The following FRK variants were observed in gnomAD, a reference collection of about 807,000 sequenced individuals.
The protein encoded by FRK is tyrosine-protein kinase FRK.
A neutral mutation model predicts 56.4 loss-of-function variants in FRK; 51 were observed. That is an observed-to-expected ratio of 0.90 (90% confidence interval 0.72 to 1.14). FRK has a LOEUF of 1.14. Among genes scored for constraint, FRK ranks in the 50% most tolerant of loss-of-function variants. The pLI is 0.00. For synonymous variants in FRK, 245 were observed against 217.9 expected, an observed-to-expected ratio of 1.12 and a Z score of -1.10; for missense variants, 570 against 601.4, an observed-to-expected ratio of 0.95 and a Z score of 0.55.
At chr6:116,075,221 A>C in the FRK span, among the ~76,000 whole-genome samples, 1 of 152,080 alleles carries the variant, frequency 6.6e-6, no homozygotes, top group Non-Finnish European at 1.5e-5. Context: ...TGGCTTCTCT[A>C]TAATTACTTT....
intron 1 of FRK, among the ~76,000 whole-genome samples, chr6:116,037,675 C>T (rs1293719786): frequency 6.6e-6 from 1 of 152,188 alleles, no homozygotes. Context: ...TCTCACTTTA[C>T]TTGTTTTCCT....
At chr6:116,022,001 G>C (rs1775888599) in intron 1 of FRK, among the ~76,000 whole-genome samples, 1 of 151,258 alleles carries the variant, frequency 6.6e-6, no homozygotes, top group Admixed American at 6.6e-5. Context: ...GACCATCACA[G>C]ATTCTCACAT....
At chr6:116,070,755 T>C in the FRK span, among the ~76,000 whole-genome samples, 8 of 152,196 alleles carry the variant, frequency 5.3e-5, no homozygotes, top group Admixed American at 5.2e-4. Context: ...TATATATACA[T>C]GGTCTTTTAT....
Position 115,942,283 on chromosome 6 carries a change from G to A in FRK, c.*131C>T. 1.4e-6 allele frequency: 1 copy of A among 736,080 alleles called. No individual in the cohort carries two copies. Among genetic ancestry groups the A allele is most frequent in the South Asian group, 1.8e-5 (1 of 55,490 alleles). 45.6% of individuals were successfully genotyped at this position (736,080 alleles called of 1,614,324 possible). On this transcript the variant is annotated 3_prime_UTR_variant, in exon 8 of 8. Transcript: ENST00000606080. The stretch of plus-strand genomic sequence containing the variant: ...ACAAATAATCTTTTTCATAATACAT[G>A]GCCAACTTTATCCTATCACTTGAAT...
chr6:116,033,086 C>T (rs1030494026), intron 1 of FRK, among the ~76,000 whole-genome samples: 1 of 152,056 alleles, frequency 6.6e-6, no homozygotes, highest in African/African-American at 2.4e-5. Context: ...TTCTTGCACT[C>T]AGCATACTTG....
chr6:116,000,026 A>G (rs1168575495), intron 2 of FRK, among the ~76,000 whole-genome samples: 3 of 152,154 alleles, frequency 2.0e-5, no homozygotes, highest in African/African-American at 7.2e-5. Flanking sequence ...TAAATCCATA[A>G]GCAAGCTCCA....
At chr6:116,058,109 G>T (rs1777464936) in intron 1 of FRK, among the ~76,000 whole-genome samples, 1 of 151,938 alleles carries the variant, frequency 6.6e-6, no homozygotes, top group South Asian at 2.1e-4. Flanking sequence ...AACAGATTAT[G>T]AATTCAAGGC....
intron 1 of FRK, among the ~76,000 whole-genome samples, chr6:116,022,006 TCA>T (rs1287209844): frequency 6.6e-6 from 1 of 151,904 alleles, no homozygotes; most frequent in African/African-American, 2.4e-5. Context: ...TCACAGATTC[TCA>T]CATATATTAA....
At position 115,972,042 on chromosome 6, in the gene FRK, G is replaced by A. The variant is rs950386943; in HGVS notation, c.467-3303C>T. ...CTTTGGGGCTTCCCTGTCTCTAAAG[G>A]AACCCTCACTGCAGCTGCTAAGATG... On this transcript the variant is annotated intron_variant, in intron 2 of 7. Coordinates refer to ENST00000606080, the MANE Select transcript of FRK (RefSeq NM_002031.3). 1.2e-4 allele frequency among the ~76,000 whole-genome samples: 18 copies of A among 152,270 alleles called. 1 individual carries two copies. In the South Asian group the frequency reaches 1.7e-3, roughly 14 times the overall value.
the FRK span, among the ~76,000 whole-genome samples, chr6:116,092,188 CG>C: frequency 6.6e-5 from 10 of 152,224 alleles, no homozygotes; most frequent in East Asian, 1.9e-3. Flanking sequence ...AAAGCCCTGT[CG>C]GGTGGGGACT....
intron 5 of FRK, among the ~76,000 whole-genome samples, chr6:115,952,294 G>C (rs1772794071): frequency 6.6e-6 from 1 of 151,982 alleles, no homozygotes; most frequent in African/African-American, 2.4e-5. Context: ...TTTCTTCCAG[G>C]GTTTTTATGG....
At chr6:115,991,514 C>T (rs554079318) in intron 2 of FRK, among the ~76,000 whole-genome samples, 200 of 151,876 alleles carry the variant, frequency 1.3e-3, no homozygotes, top group Non-Finnish European at 2.1e-3. Context: ...TTTGCTTCAT[C>T]TATTGAGATG....
the FRK span, among the ~76,000 whole-genome samples, chr6:116,092,951 A>G: frequency 5.9e-5 from 9 of 152,194 alleles, no homozygotes; most frequent in African/African-American, 2.2e-4. Context: ...CCTGGTCCCA[A>G]TATTCTCTCT....
chr6:115,956,158 G>T (rs1227994907), intron 5 of FRK, among the ~76,000 whole-genome samples: 1 of 152,186 alleles, frequency 6.6e-6, no homozygotes, highest in African/African-American at 2.4e-5. Flanking sequence ...AAAGCATCAT[G>T]CAAAGCATCA....
intron 4 of FRK, among the ~76,000 whole-genome samples, chr6:115,959,499 T>C (rs1158657545): frequency 6.6e-6 from 1 of 152,204 alleles, no homozygotes; most frequent in Non-Finnish European, 1.5e-5. Context: ...TACACAGTGA[T>C]TGTGAAAATC....
At chr6:116,068,111 T>C in the FRK span, among the ~76,000 whole-genome samples, 3 of 152,078 alleles carry the variant, frequency 2.0e-5, no homozygotes, top group Non-Finnish European at 2.9e-5. Flanking sequence ...AGCCTGACAC[T>C]AGGGGAAATG....
chr6:115,971,691 T>C (rs1164211019), intron 2 of FRK, among the ~76,000 whole-genome samples: 1 of 152,146 alleles, frequency 6.6e-6, no homozygotes, highest in Non-Finnish European at 1.5e-5. Context: ...GTGTCTCAAT[T>C]CAAGCCTAGA....
chr6:115,988,100 T>C (rs1467867271), intron 2 of FRK, among the ~76,000 whole-genome samples: 1 of 152,054 alleles, frequency 6.6e-6, no homozygotes, highest in Admixed American at 6.6e-5. Context: ...CAAAATAGTT[T>C]CTCAGATTGC....
chr6:116,061,995 AAAG>A (rs1288580609), upstream of FRK, among the ~76,000 whole-genome samples: 1 of 151,864 alleles, frequency 6.6e-6, no homozygotes, highest in Non-Finnish European at 1.5e-5. Flanking sequence ...GAAAGAAAAG[AAAG>A]AAAGAAGGAA....
Sources: allele counts gnomAD v4.1 joint callset (sites outside exome capture counted in the v4.1 genomes callset), GRCh38; gene constraint gnomAD v4.1.1; transcripts MANE v1.5; gene names NCBI Gene and HGNC (gene_info 2026-07-23, HGNC 2026-07-21).